PIGN: variants seen among roughly 807,000 people sequenced by gnomAD.
PIGN encodes phosphatidylinositol glycan anchor biosynthesis class N, also known as GPI ethanolamine phosphate transferase 1.
In PIGN, 117 loss-of-function variants were observed where a neutral mutation model predicts 125.4. That is an observed-to-expected ratio of 0.93 (90% CI 0.80 to 1.09). The LOEUF (loss-of-function observed/expected upper bound fraction) is 1.09. Among genes scored for constraint, PIGN ranks in the 50% least tolerant of loss-of-function variants. The pLI is 0.00. For missense variants in PIGN, 1,075 were observed against 1,094.9 expected, an observed-to-expected ratio of 0.98 and a Z score of 0.26; for synonymous variants, 392 against 377.8, an observed-to-expected ratio of 1.04 and a Z score of -0.44.
At position 62,161,231 on chromosome 18, in the gene PIGN, A is replaced by C. The variant is rs1397212962; in HGVS notation, c.123T>G (p.Pro41=). ...CAAACAACACTAATCTTCTCGCTGGAGGAGGCAATGGTGTAAACTGAGGAG... is the reference window on the plus strand; with the variant it reads ...CAAACAACACTAATCTTCTCGCTGGCGGAGGCAATGGTGTAAACTGAGGAG... The part of the protein sequence containing the change: ...GMTPQFTPLP[P]PARRLVLFVA... The change falls in exon 4 of 31, where the codon CCT becomes CCG. Residue 41 remains proline (P), a synonymous_variant. Coordinates refer to ENST00000640252, the MANE Select transcript of PIGN (RefSeq NM_176787.5). 6.2e-7 allele frequency: 1 copy of C among 1,613,814 alleles called. No individual in the cohort carries two copies.
chr18:62,176,925 G>T (rs1057293416), intron 1 of PIGN, among the ~76,000 whole-genome samples: 3 of 151,034 alleles, frequency 2.0e-5, no homozygotes, highest in Admixed American at 1.3e-4. Flanking sequence ...TACTGTTTTT[G>T]CAACTTTTCC....
intron 17 of PIGN, 55 bp from the exon 18 acceptor site, chr18:62,107,140 A>G: frequency 9.2e-7 from 1 of 1,088,148 alleles, no homozygotes; most frequent in Non-Finnish European, 1.4e-6. Context: ...ACATAGTATA[A>G]CAATACAAAC....
At chr18:62,146,404 C>T (rs1460043093) in intron 9 of PIGN, among the ~76,000 whole-genome samples, 4 of 152,162 alleles carry the variant, frequency 2.6e-5, no homozygotes, top group African/African-American at 9.6e-5. Flanking sequence ...GCAGTAGAGA[C>T]TAAGTCTTTC....
intron 30 of PIGN, chr18:62,069,820 T>A (rs994221971): frequency 1.3e-5 from 2 of 152,248 alleles, no homozygotes. Context: ...ACCATTGAAC[T>A]GTACACTTAA....
intron 1 of PIGN, among the ~76,000 whole-genome samples, chr18:62,173,777 TA>T (rs2037419811): frequency 6.6e-6 from 1 of 152,146 alleles, no homozygotes; most frequent in Non-Finnish European, 1.5e-5. Context: ...CATTATGAAA[TA>T]AGAATAGTCA....
At chr18:62,019,272 T>C (rs1265374573) in intron 23 of PIGN, among the ~76,000 whole-genome samples, 1 of 152,240 alleles carries the variant, frequency 6.6e-6, no homozygotes, top group African/African-American at 2.4e-5. Context: ...CCTTCATAAC[T>C]GATACCTGTA....
At chr18:62,057,194 T>C (rs2031793622) in intron 30 of PIGN, among the ~76,000 whole-genome samples, 3 of 152,206 alleles carry the variant, frequency 2.0e-5, no homozygotes. Flanking sequence ...ATTTGTCTCA[T>C]TCTAACTCTC....
intron 23 of PIGN, among the ~76,000 whole-genome samples, chr18:62,025,402 C>T (rs2144872158): frequency 6.6e-6 from 1 of 152,232 alleles, no homozygotes; most frequent in South Asian, 2.1e-4. Flanking sequence ...ATAGGTGTTT[C>T]AGGCACAATT....
At chr18:62,096,704 C>A (rs1285902480) in intron 22 of PIGN, among the ~76,000 whole-genome samples, 1 of 111,378 alleles carries the variant, frequency 9.0e-6, no homozygotes, top group Non-Finnish European at 1.8e-5. Context: ...ACCACAGTCC[C>A]CAGAGTGTGA....
Position 62,106,809 on chromosome 18 carries a change from G to A in PIGN, c.1747C>T (p.Arg583Trp), listed in dbSNP as rs1374261069. The change falls in exon 19 of 31, where the codon CGG (arginine) becomes TGG (tryptophan). Residue 583 changes from arginine (R) to tryptophan (W), a missense_variant. Coordinates refer to ENST00000640252, the MANE Select transcript of PIGN (RefSeq NM_176787.5). ...TAFAAWPFLT[R>W]LWTRAKMTSL... ...CATACCTTTGCTCGAGTCCACAGCC[G>A]AGTGAGAAATGGCCAAGCTGCAAAG... 7.5e-6 allele frequency: 12 copies of A among 1,606,962 alleles called. No individual in the cohort carries two copies. The highest frequency in any genetic ancestry group is 6.8e-6 in the Non-Finnish European group (8 of 1,176,480).
intron 16 of PIGN, among the ~76,000 whole-genome samples, chr18:62,110,843 A>T (rs1202185570): frequency 2.7e-5 from 4 of 148,046 alleles, no homozygotes; most frequent in Admixed American, 6.8e-5. Flanking sequence ...AGCATAATAA[A>T]AAATATATAT....
At chr18:62,129,021 AC>A (rs1599587848) in intron 14 of PIGN, among the ~76,000 whole-genome samples, 1 of 152,230 alleles carries the variant, frequency 6.6e-6, no homozygotes, top group East Asian at 1.9e-4. Context: ...ATTGGAAAGC[AC>A]TTTCTATTAG....
rs979176427 is a variant in PIGN, at chr18:62,047,017, C to G, written c.2673-1038G>C. Among the ~76,000 whole-genome samples the G allele has an allele frequency of 5.3e-5, 8 of 152,284 alleles. No homozygotes were observed. The East Asian group carries it at 1.5e-3, about 29-fold the overall frequency. ...CTGGGCACAGACCAAAAAGAAATCCCCAAAAAACAATAATACCACCACCAC... is the reference window on the plus strand; with the variant it reads ...CTGGGCACAGACCAAAAAGAAATCCGCAAAAAACAATAATACCACCACCAC... On this transcript the variant is annotated intron_variant, in intron 30 of 30. Coordinates refer to ENST00000640252, the MANE Select transcript of PIGN (RefSeq NM_176787.5).
chr18:62,086,198 G>C lies in PIGN; in HGVS notation c.2371-934C>G, dbSNP rs528977073. The stretch of plus-strand genomic sequence containing the variant: ...TAGAGGAGAGACATTTTAAGGTAAA[G>C]AACAGTGAGAAAAAAATGACAACGC... On this transcript the variant is annotated intron_variant, in intron 25 of 30. Coordinates refer to ENST00000640252, the MANE Select transcript of PIGN (RefSeq NM_176787.5). Among the ~76,000 whole-genome samples, 484 of 152,292 alleles carry C rather than the reference G, an allele frequency of 3.2e-3. 5 individuals are homozygous for C. Among genetic ancestry groups the C allele is most frequent in the Non-Finnish European group, 4.2e-3 (284 of 68,006 alleles).
chr18:62,029,862 T>C (rs1360764461), intron 23 of PIGN, among the ~76,000 whole-genome samples: 1 of 152,192 alleles, frequency 6.6e-6, no homozygotes, highest in African/African-American at 2.4e-5. Context: ...ACTCATCAAC[T>C]TTGTTCCCGT....
chr18:62,041,959 T>C lies in PIGN; in HGVS notation c.*3897A>G, dbSNP rs1221614407. The C allele has an allele frequency of 6.6e-6, 1 of 152,180 alleles. No individual in the cohort carries two copies. Among genetic ancestry groups the C allele is most frequent in the Non-Finnish European group, 1.5e-5 (1 of 68,034 alleles). 9.4% of individuals were successfully genotyped at this position (152,180 alleles called of 1,614,324 possible). On this transcript the variant is annotated 3_prime_UTR_variant, in exon 31 of 31. Transcript: ENST00000640252. ...AACGTACATCACAAGTTAAATTCCC[T>C]TAGAACTAATGTAAATATACCTATT... is the stretch of plus-strand genomic sequence containing the variant.
chr18:62,142,832 G>A (rs558988052), intron 11 of PIGN, among the ~76,000 whole-genome samples: 2 of 152,282 alleles, frequency 1.3e-5, no homozygotes, highest in Non-Finnish European at 2.9e-5. Context: ...TCTAACAGAA[G>A]GTTTCTAGCT....
intron 30 of PIGN, among the ~76,000 whole-genome samples, chr18:62,059,339 G>C (rs79589287): frequency 0.067 from 10,115 of 152,048 alleles, 623 homozygotes; most frequent in African/African-American, 0.16. Flanking sequence ...TTCCAGGGGG[G>C]AAACCAGGCA....
At chr18:62,153,381 C>T (rs190679743) in intron 7 of PIGN, 3 of 152,056 alleles carry the variant, frequency 2.0e-5, no homozygotes, top group East Asian at 3.9e-4. Flanking sequence ...TGTTCACTAC[C>T]GTGTCAAGAC....
Sources: gnomAD v4.1 joint callset for allele counts (sites outside exome capture counted in the v4.1 genomes callset) on GRCh38, gnomAD v4.1.1 for gene constraint, MANE v1.5 for transcripts, NCBI Gene and HGNC (gene_info 2026-07-23, HGNC 2026-07-21) for gene names.